ANK1: variants seen among roughly 807,000 people sequenced by gnomAD.
ANK1 encodes ankyrin-1.
Under a neutral mutation model 210.4 loss-of-function variants are expected in ANK1, and 51 were observed. That is an observed-to-expected ratio of 0.24 (90% CI 0.19 to 0.31). The LOEUF (loss-of-function observed/expected upper bound fraction) is 0.31. ANK1 is among the 10% of genes least tolerant of loss of function. The pLI, the probability that ANK1 is intolerant of heterozygous loss-of-function variation, is 1.00. For synonymous variants in ANK1, 967 were observed against 1,025.9 expected, an observed-to-expected ratio of 0.94 and a Z score of 1.10; for missense variants, 2,051 against 2,504.4, an observed-to-expected ratio of 0.82 and a Z score of 3.86.
At chr8:41,817,722 T>C (rs1300479472) in intron 1 of ANK1, among the ~76,000 whole-genome samples, 1 of 152,168 alleles carries the variant, frequency 6.6e-6, no homozygotes, top group Non-Finnish European at 1.5e-5. Flanking sequence ...AAGGAAAAAA[T>C]TCCTATCATG....
chr8:41,761,205 TCA>T (rs72324640), intron 1 of ANK1, among the ~76,000 whole-genome samples: 94,214 of 149,348 alleles, frequency 0.63, 30,310 homozygotes, highest in Middle Eastern at 0.77. Context: ...ACACACAGAT[TCA>T]CACACACACA....
At chr8:41,695,060 T>C in intron 27 of ANK1, 117 bp downstream of exon 27, 1 of 1,417,394 alleles carries the variant, frequency 7.1e-7, no homozygotes, top group Non-Finnish European at 9.9e-7. Flanking sequence ...ACCAGGCCAT[T>C]CTCAGCCTCT....
intron 7 of ANK1, among the ~76,000 whole-genome samples, chr8:41,724,009 C>T (rs1448515849): frequency 2.0e-5 from 3 of 151,734 alleles, no homozygotes; most frequent in Admixed American, 6.6e-5. Context: ...AGGATGGTCT[C>T]GATCTCCTGA....
chr8:41,843,395 T>C (rs1312833624), intron 1 of ANK1, among the ~76,000 whole-genome samples: 1 of 149,208 alleles, frequency 6.7e-6, no homozygotes, highest in African/African-American at 2.5e-5. Context: ...TCTCTTCATT[T>C]CCCCCCCACC....
At chr8:41,752,807 C>CT (rs1554596984) in intron 2 of ANK1, among the ~76,000 whole-genome samples, 2 of 151,560 alleles carry the variant, frequency 1.3e-5, no homozygotes, top group Admixed American at 6.6e-5. Flanking sequence ...GGCCCCCCCC[C>CT]ACTGCACCGC....
chr8:41,754,351 G>C (rs1250753670), intron 2 of ANK1, among the ~76,000 whole-genome samples: 1 of 152,196 alleles, frequency 6.6e-6, no homozygotes, highest in Non-Finnish European at 1.5e-5. Flanking sequence ...ACATGGTAAT[G>C]ATAATGATGA....
rs758914272 is a variant in ANK1, at chr8:41,694,745, G to T, written c.3174C>A (p.Asp1058Glu). The T allele has an allele frequency of 3.2e-5, 51 of 1,614,070 alleles. No homozygotes were observed. Among genetic ancestry groups the T allele is most frequent in the Non-Finnish European group, 4.2e-5 (49 of 1,180,046 alleles). The change falls in exon 28 of 43, where the codon GAC (aspartate) becomes GAA (glutamate). Residue 1058 changes from aspartate (D) to glutamate (E), a missense_variant. Physicochemically the swap from Asp to Glu is conservative, Grantham distance 45. Transcript: ENST00000289734. The surrounding 1 kb of genome is among the most constrained non-coding windows in gnomAD (Gnocchi z 5.7). ...KKRVCRIITT[D>E]FPLYFVIMSR... ...ACATGATCACGAAGTACAGCGGGAAGTCGGTGGTGATGATTCGGCACACCC... is the reference window on the plus strand; with the variant it reads ...ACATGATCACGAAGTACAGCGGGAATTCGGTGGTGATGATTCGGCACACCC...
chr8:41,763,889 C>CTTTTTTTTTTTTTTTTTTTTT lies in ANK1; in HGVS notation c.28-5773_28-5753dup, dbSNP rs869100297. The stretch of plus-strand genomic sequence containing the variant: ...TTCTTCTTTCTTTTTTTCTTTTTTT[C>CTTTTTTTTTTTTTTTTTTTTT]TTTTTTTTTTTTTTTTTTTTTTTTT... On this transcript the variant is annotated intron_variant, in intron 1 of 42. Coordinates refer to ENST00000289734, the MANE Select transcript of ANK1 (RefSeq NM_000037.4). 6.0e-3 allele frequency among the ~76,000 whole-genome samples: 347 copies of CTTTTTTTTTTTTTTTTTTTTT among 57,862 alleles called. 2 individuals carry two copies. Among genetic ancestry groups the CTTTTTTTTTTTTTTTTTTTTT allele is most frequent in the Admixed American group, 7.4e-3 (27 of 3,626 alleles). 38.0% of individuals were successfully genotyped at this position (57,862 alleles called of 152,430 possible). A position where few individuals can be genotyped will look rare whatever the true frequency, so the allele number is the denominator to read the frequency against.
intron 1 of ANK1, among the ~76,000 whole-genome samples, chr8:41,823,215 A>G (rs1804782477): frequency 6.6e-6 from 1 of 152,184 alleles, no homozygotes; most frequent in South Asian, 2.1e-4. Flanking sequence ...TCTAGCGGGT[A>G]GCTGAAGATA....
At chr8:41,695,079 C>T in intron 27 of ANK1, 98 bp downstream of exon 27, 4 of 1,533,120 alleles carry the variant, frequency 2.6e-6, no homozygotes, top group Non-Finnish European at 3.6e-6. Context: ...CTTGGGGCTT[C>T]CCAAACTTCA....
rs1407575492 is a variant in ANK1, at chr8:41,849,520, T to TC, written c.126+46834dup. Among the ~76,000 whole-genome samples, 52 of 27,644 alleles carry TC rather than the reference T, an allele frequency of 1.9e-3. 1 individual carries two copies. Among genetic ancestry groups the TC allele is most frequent in the African/African-American group, 0.011 (47 of 4,448 alleles). The allele number at this position is 27,644 out of a possible 152,430, so 18.1% of individuals were successfully genotyped here. On this transcript the variant is annotated intron_variant, in intron 1 of 42. Transcript: ENST00000265709. The stretch of plus-strand genomic sequence containing the variant: ...GCCTGGGAGAGAGAGCGAGACAATG[T>TC]CCCAAAAAAAAAAATGTAGTCATTT...
At chr8:41,876,413 C>G (rs1213466452) in intron 1 of ANK1, among the ~76,000 whole-genome samples, 1 of 152,232 alleles carries the variant, frequency 6.6e-6, no homozygotes, top group African/African-American at 2.4e-5. Flanking sequence ...TGACACTGAT[C>G]GTGCCCCCTG....
At chr8:41,668,668 C>T in intron 38 of ANK1, 104 bp from the exon 39 acceptor site, 1 of 1,299,510 alleles carries the variant, frequency 7.7e-7, no homozygotes, top group Non-Finnish European at 1.0e-6. Flanking sequence ...ACCCAGAGCT[C>T]TGGCTCATCA....
intron 1 of ANK1, among the ~76,000 whole-genome samples, chr8:41,767,283 C>G (rs1351876372): frequency 6.7e-6 from 1 of 150,300 alleles, no homozygotes; most frequent in African/African-American, 2.4e-5. Flanking sequence ...GCCCCGGCCC[C>G]GGCCCCGATC....
In ANK1 at chr8:41,686,295, G is replaced by T; in HGVS notation, c.4259-12C>A. On this transcript the variant is annotated splice_polypyrimidine_tract_variant and intron_variant, in intron 35 of 42. Transcript: ENST00000289734. ...CTCCCGGGCCAACTCTGCAAGCAAA[G>T]AACCAACAGCAGATGTGAGCCTCCA... 1 of 1,613,216 alleles carries T rather than the reference G, an allele frequency of 6.2e-7. No homozygotes were observed. Among genetic ancestry groups the T allele is most frequent in the South Asian group, 1.1e-5 (1 of 91,036 alleles).
chr8:41,760,659 G>A lies in ANK1; in HGVS notation c.28-2522C>T, dbSNP rs72640315. Reference sequence around the variant, plus strand: ...GAGTGCCCTCAGGTACTTAGACACCGTTGGCTTCTATTTCCTTATTTGTAA... The same window carrying A: ...GAGTGCCCTCAGGTACTTAGACACCATTGGCTTCTATTTCCTTATTTGTAA... On this transcript the variant is annotated intron_variant, in intron 1 of 42. Coordinates refer to ENST00000289734, the MANE Select transcript of ANK1 (RefSeq NM_000037.4). 5.2e-3 allele frequency among the ~76,000 whole-genome samples: 792 copies of A among 152,330 alleles called. 6 individuals carry two copies. The highest frequency in any genetic ancestry group is 8.7e-3 in the Non-Finnish European group (595 of 68,036).
intron 2 of ANK1, among the ~76,000 whole-genome samples, chr8:41,751,181 T>C (rs1420431564): frequency 2.0e-5 from 3 of 152,238 alleles, no homozygotes; most frequent in Non-Finnish European, 2.9e-5. Context: ...TTTGATTTGA[T>C]ATTAATCTAA....
chr8:41,849,002 T>A lies in ANK1; in HGVS notation c.126+47353A>T, dbSNP rs189694306. Among the ~76,000 whole-genome samples, 744 of 152,316 alleles carry A rather than the reference T, an allele frequency of 4.9e-3. 7 individuals carry two copies. The highest frequency in any genetic ancestry group is 0.017 in the African/African-American group (707 of 41,574). On this transcript the variant is annotated intron_variant, in intron 1 of 42. Coordinates refer to the ANK1 transcript ENST00000265709. Reference sequence around the variant, plus strand: ...CTGCCTCTGTCCACCTGGAGCATTATTGATTGAAGTTTCCACCCTCCAGGG... The same window carrying A: ...CTGCCTCTGTCCACCTGGAGCATTAATGATTGAAGTTTCCACCCTCCAGGG...
intron 1 of ANK1, among the ~76,000 whole-genome samples, chr8:41,830,205 A>G (rs909585543): frequency 1.3e-5 from 2 of 151,130 alleles, no homozygotes; most frequent in Non-Finnish European, 2.9e-5. Context: ...AGACCAATAG[A>G]TGCCCCCACC....
Sources: allele counts gnomAD v4.1 joint callset (sites outside exome capture counted in the v4.1 genomes callset), GRCh38; gene constraint gnomAD v4.1.1; non-coding constraint Gnocchi (gnomAD v3.1); transcripts MANE v1.5; gene names NCBI Gene and HGNC (gene_info 2026-07-23, HGNC 2026-07-21).